The following PCDHA3 variants were observed in gnomAD, a reference collection of about 807,000 sequenced individuals.
PCDHA3 encodes protocadherin alpha-3.
PCDHA3 carries 41 observed loss-of-function variants against 62.2 expected under a neutral mutation model. The ratio of observed to expected loss-of-function variants is 0.66; its 90% CI spans 0.51 to 0.86. The LOEUF is 0.86. PCDHA3 is among the 40% of genes least tolerant of loss of function. PCDHA3 has a pLI of 0.00. For synonymous variants in PCDHA3, 640 were observed against 555.4 expected (o/e 1.15, Z -2.14); for missense variants, 1,304 against 1,241.2 (o/e 1.05, Z -0.76).
rs782009545 is a variant in PCDHA3, at chr5:140,809,462, T to A, written c.2394+5871T>A. On this transcript the variant is annotated intron_variant, in intron 1 of 3. Coordinates refer to ENST00000522353, the MANE Select transcript of PCDHA3 (RefSeq NM_018906.3). Reference sequence around the variant, plus strand: ...CTCGCAGCAGAGGAGGCCGAGGGTGTGCTCTGGTGAGGGCCCACCCAAGAC... The same window carrying A: ...CTCGCAGCAGAGGAGGCCGAGGGTGAGCTCTGGTGAGGGCCCACCCAAGAC... 41 of 1,614,090 alleles carry A rather than the reference T, an allele frequency of 2.5e-5. 1 individual carries two copies. In the South Asian group the frequency reaches 4.5e-4, roughly 18 times the overall value.
At chr5:140,886,155 T>C (rs528104847) in intron 1 of PCDHA3, among the ~76,000 whole-genome samples, 1 of 152,212 alleles carries the variant, frequency 6.6e-6, no homozygotes, top group African/African-American at 2.4e-5. Context: ...CACCTTTTTA[T>C]AGCCACATCT....
intron 3 of PCDHA3, among the ~76,000 whole-genome samples, chr5:141,002,568 C>T (rs1554258737): frequency 6.6e-6 from 1 of 152,182 alleles, no homozygotes; most frequent in Admixed American, 6.5e-5. Context: ...AGTTAGTGAC[C>T]ATGTGACCAT....
intron 1 of PCDHA3, chr5:140,870,319 T>G (rs782623881): frequency 3.7e-6 from 6 of 1,614,162 alleles, no homozygotes; most frequent in Non-Finnish European, 5.1e-6. Flanking sequence ...TTACTACTCG[T>G]TGGTGCTGGA....
At chr5:140,882,688 AATC>A in intron 1 of PCDHA3, 1 of 1,614,196 alleles carries the variant, frequency 6.2e-7, no homozygotes, top group South Asian at 1.1e-5. Context: ...AGAAACGAAT[AATC>A]ATTGCAGAAT....
chr5:140,830,704 T>A (rs1771209661), intron 1 of PCDHA3: 2 of 264,612 alleles, frequency 7.6e-6, no homozygotes, highest in Non-Finnish European at 1.4e-5. Flanking sequence ...ACCTCAGAAT[T>A]TTTGTCTTCA....
At chr5:140,919,876 G>A (rs2079336654) in intron 1 of PCDHA3, among the ~76,000 whole-genome samples, 1 of 152,174 alleles carries the variant, frequency 6.6e-6, no homozygotes, top group Non-Finnish European at 1.5e-5. Flanking sequence ...AGTCTTTGAA[G>A]ACATAATTAT....
intron 1 of PCDHA3, chr5:140,869,028 G>C: frequency 1.3e-6 from 2 of 1,526,584 alleles, no homozygotes; most frequent in Non-Finnish European, 1.8e-6. Flanking sequence ...AATTCAACGA[G>C]ATTTTTAACC....
chr5:140,843,736 A>T (rs1779068159), intron 1 of PCDHA3: 1 of 1,547,354 alleles, frequency 6.5e-7, no homozygotes, highest in African/African-American at 1.4e-5. Context: ...TTAAATTTAG[A>T]ACTCATAAAT....
Position 140,875,458 on chromosome 5 carries a change from C to T in PCDHA3, c.2394+71867C>T, listed in dbSNP as rs149655466. ...AAAACTGATTGTCCCAACTCAGAGG[C>T]CCTCATTTTCTGCAATGGTGATTAT... On this transcript the variant is annotated intron_variant, in intron 1 of 3. Transcript: ENST00000522353. The T allele has an allele frequency of 1.1e-3, 1,729 of 1,596,942 alleles. 10 individuals are homozygous for T. In the African/African-American group the frequency reaches 0.015, roughly 14 times the overall value.
intron 1 of PCDHA3, among the ~76,000 whole-genome samples, chr5:140,872,927 T>A (rs1020178513): frequency 3.9e-5 from 6 of 152,216 alleles, no homozygotes; most frequent in African/African-American, 1.4e-4. Flanking sequence ...TTATCTCTAA[T>A]GTTTTTGAAA....
intron 1 of PCDHA3, chr5:140,847,350 T>A (rs1554141746): frequency 6.7e-6 from 1 of 149,796 alleles, no homozygotes; most frequent in Non-Finnish European, 1.5e-5. Context: ...TAGGCTGTTA[T>A]CAGTAGAAAT....
intron 1 of PCDHA3, chr5:140,821,870 A>C (rs2150111389): frequency 6.2e-7 from 1 of 1,613,994 alleles, no homozygotes; most frequent in South Asian, 1.1e-5. Flanking sequence ...CAGCTCCACT[A>C]CTCGATCCCG....
intron 1 of PCDHA3, chr5:140,856,273 G>A (rs1554148468): frequency 6.3e-7 from 1 of 1,598,340 alleles, no homozygotes; most frequent in Admixed American, 1.7e-5. Context: ...ACCTTCTGGA[G>A]GTAAATCTGC....
At chr5:140,806,712 C>T (rs1763772246) in intron 1 of PCDHA3, among the ~76,000 whole-genome samples, 2 of 152,152 alleles carry the variant, frequency 1.3e-5, no homozygotes, top group Non-Finnish European at 2.9e-5. Flanking sequence ...ATGAATTTTT[C>T]TAATCAACAG....
chr5:140,982,784 C>T (rs568886944), intron 3 of PCDHA3, among the ~76,000 whole-genome samples: 9 of 151,444 alleles, frequency 5.9e-5, no homozygotes, highest in South Asian at 2.1e-4. Flanking sequence ...TGTGTGTGCA[C>T]GCATGTGTGC....
chr5:140,899,531 CA>C (rs2067387177), intron 1 of PCDHA3, among the ~76,000 whole-genome samples: 1 of 152,140 alleles, frequency 6.6e-6, no homozygotes, highest in Non-Finnish European at 1.5e-5. Context: ...GGATGAAGCC[CA>C]CTTGATCATG....
At chr5:140,871,026 G>T in intron 1 of PCDHA3, 2 of 1,613,220 alleles carry the variant, frequency 1.2e-6, no homozygotes, top group Non-Finnish European at 1.7e-6. Context: ...AGGCAGACTC[G>T]CCGCGCCACC....
At chr5:140,968,886 A>G in intron 1 of PCDHA3, 1 of 1,614,186 alleles carries the variant, frequency 6.2e-7, no homozygotes, top group Non-Finnish European at 8.5e-7. Context: ...ATTACCCTTT[A>G]TCTAATAATA....
intron 1 of PCDHA3, among the ~76,000 whole-genome samples, chr5:140,916,237 A>G (rs1004473327): frequency 6.6e-6 from 1 of 152,182 alleles, no homozygotes; most frequent in African/African-American, 2.4e-5. Context: ...CCAGGAGCCA[A>G]AGCCTGGACT....
Sources: allele counts gnomAD v4.1 joint callset (sites outside exome capture counted in the v4.1 genomes callset), GRCh38; gene constraint gnomAD v4.1.1; transcripts MANE v1.5; gene names NCBI Gene and HGNC (gene_info 2026-07-23, HGNC 2026-07-21).